Variants in FRMD4A observed in about 807,000 individuals in gnomAD.
The protein encoded by FRMD4A is FERM domain-containing protein 4A.
A neutral mutation model predicts 129.1 loss-of-function variants in FRMD4A; 29 were observed. The observed-to-expected ratio is 0.22, with a 90% CI of 0.17 to 0.31. The LOEUF (loss-of-function observed/expected upper bound fraction) is 0.31, where lower values mean the gene tolerates loss of function less well. Ranked by LOEUF, FRMD4A falls within the 10% of genes least tolerant of loss-of-function variation. The pLI, the probability that FRMD4A is intolerant of heterozygous loss-of-function variation, is 1.00. For missense variants in FRMD4A, 1,272 were observed against 1,375.8 expected, an observed-to-expected ratio of 0.92 and a Z score of 1.19; for synonymous variants, 634 against 571.6, an observed-to-expected ratio of 1.11 and a Z score of -1.56.
chr10:14,053,669 G>T (rs554298444), intron 2 of FRMD4A, among the ~76,000 whole-genome samples: 2 of 152,068 alleles, frequency 1.3e-5, no homozygotes, highest in Non-Finnish European at 2.9e-5. Context: ...CTTTGACTTG[G>T]AAGGAAGGTT....
intron 3 of FRMD4A, among the ~76,000 whole-genome samples, chr10:13,854,411 G>A (rs1381725040): frequency 6.6e-6 from 1 of 151,898 alleles, no homozygotes; most frequent in Non-Finnish European, 1.5e-5. Flanking sequence ...TCATTTTGAT[G>A]AAGGCTTTTT....
intron 15 of FRMD4A, chr10:13,685,094 A>G: frequency 1.0e-6 from 1 of 984,752 alleles, no homozygotes; most frequent in Non-Finnish European, 1.2e-6. Context: ...TGCAGACTGC[A>G]GGATAAACGT....
At chr10:14,321,837 G>A (rs915059178) in intron 2 of FRMD4A, among the ~76,000 whole-genome samples, 12 of 152,138 alleles carry the variant, frequency 7.9e-5, no homozygotes, top group African/African-American at 2.9e-4. Flanking sequence ...TTTGGGGAAG[G>A]GGCCTGGTGG....
At chr10:13,647,747 T>TAAG (rs1554820088) in intron 24 of FRMD4A, 1 of 150,894 alleles carries the variant, frequency 6.6e-6, no homozygotes, top group East Asian at 1.9e-4. Context: ...TTTTTTTTTT[T>TAAG]TAAGTATTTT....
intron 2 of FRMD4A, among the ~76,000 whole-genome samples, chr10:14,176,058 A>G (rs965897327): frequency 2.0e-5 from 3 of 152,140 alleles, no homozygotes; most frequent in African/African-American, 7.2e-5. Flanking sequence ...CTTATTTTGT[A>G]TTGTAGTGTT....
intron 2 of FRMD4A, among the ~76,000 whole-genome samples, chr10:14,027,055 A>C (rs189815583): frequency 1.3e-5 from 2 of 152,356 alleles, no homozygotes; most frequent in Admixed American, 1.3e-4. Context: ...CACATCATGG[A>C]AAATGGGGGT....
intron 2 of FRMD4A, among the ~76,000 whole-genome samples, chr10:14,017,679 T>C (rs1027544167): frequency 2.0e-5 from 3 of 152,196 alleles, no homozygotes. Flanking sequence ...CAAAGGACAA[T>C]GGCTTTCTTT....
intron 2 of FRMD4A, among the ~76,000 whole-genome samples, chr10:14,127,956 T>TTCTC (rs1838957750): frequency 1.1e-4 from 3 of 27,558 alleles, no homozygotes; most frequent in African/African-American, 6.7e-4. Flanking sequence ...CTTTCTTTCT[T>TTCTC]TCTTTCTTTC....
intron 2 of FRMD4A, among the ~76,000 whole-genome samples, chr10:13,993,652 T>C (rs993705919): frequency 3.3e-5 from 5 of 152,334 alleles, no homozygotes; most frequent in Non-Finnish European, 7.4e-5. Flanking sequence ...ATGATATTAA[T>C]AAGTTGTTCT....
At chr10:13,971,766 G>A in intron 2 of FRMD4A, 1 of 1,304,426 alleles carries the variant, frequency 7.7e-7, no homozygotes, top group Non-Finnish European at 1.0e-6. Flanking sequence ...CAACTCCACG[G>A]TGGGTCCTCA....
Position 14,106,164 on chromosome 10 carries a change from A to C in FRMD4A, c.45+223894T>G, listed in dbSNP as rs539126909. Among the ~76,000 whole-genome samples the C allele has an allele frequency of 7.2e-5, 11 of 152,298 alleles. No homozygotes were observed. The South Asian group carries it at 1.9e-3, about 26-fold the overall frequency. ...TAGCATCATCCAAATGTGACTGATGAATTTATTTAAAGCATCATTATTCAT... is the reference window on the plus strand; with the variant it reads ...TAGCATCATCCAAATGTGACTGATGCATTTATTTAAAGCATCATTATTCAT... On this transcript the variant is annotated intron_variant, in intron 2 of 24. Transcript: ENST00000357447.
Position 14,110,125 on chromosome 10 carries a change from T to TTAAAA in FRMD4A, c.45+219932_45+219933insTTTTA, listed in dbSNP as rs372420987. ...GGCTGGGCAACAAAGCGAGATGCTGTAAAAAAAAAAAAAAAAAAAAAAGCT... is the reference window on the plus strand; with the variant it reads ...GGCTGGGCAACAAAGCGAGATGCTGTTAAAAAAAAAAAAAAAAAAAAAAAAAAGCT... On this transcript the variant is annotated intron_variant, in intron 2 of 24. Transcript: ENST00000357447. Among the ~76,000 whole-genome samples, 570 of 89,534 alleles carry TTAAAA rather than the reference T, an allele frequency of 6.4e-3. 118 individuals are homozygous for TTAAAA. Among genetic ancestry groups the TTAAAA allele is most frequent in the African/African-American group, 0.024 (515 of 21,506 alleles). The allele number at this position is 89,534 out of a possible 152,430, so 58.7% of individuals were successfully genotyped here.
chr10:13,676,898 C>T (rs2084054227), intron 15 of FRMD4A, among the ~76,000 whole-genome samples: 1 of 152,122 alleles, frequency 6.6e-6, no homozygotes, highest in African/African-American at 2.4e-5. Context: ...AATTCTATTT[C>T]CATAGGAAAC....
At chr10:13,733,630 G>T (rs1251231804) in intron 12 of FRMD4A, among the ~76,000 whole-genome samples, 1 of 152,244 alleles carries the variant, frequency 6.6e-6, no homozygotes, top group Non-Finnish European at 1.5e-5. Context: ...GTTTCACCAT[G>T]TTGGACAGCT....
intron 2 of FRMD4A, among the ~76,000 whole-genome samples, chr10:13,912,908 T>C (rs560033002): frequency 8.2e-4 from 124 of 151,842 alleles, no homozygotes; most frequent in African/African-American, 2.3e-3. Context: ...ACCCCATATC[T>C]ACTAAAAATA....
intron 2 of FRMD4A, among the ~76,000 whole-genome samples, chr10:13,896,805 A>G (rs2094763727): frequency 6.6e-6 from 1 of 152,226 alleles, no homozygotes; most frequent in Non-Finnish European, 1.5e-5. Flanking sequence ...ACCAGTGGTT[A>G]TCCTTGGAAT....
intron 2 of FRMD4A, among the ~76,000 whole-genome samples, chr10:14,075,896 G>A (rs922647629): frequency 1.3e-5 from 2 of 152,208 alleles, no homozygotes; most frequent in East Asian, 3.9e-4. Flanking sequence ...AAGAGATTGT[G>A]TGATTGTGTC....
chr10:13,763,881 A>G (rs2092173453), intron 6 of FRMD4A, among the ~76,000 whole-genome samples: 1 of 151,954 alleles, frequency 6.6e-6, no homozygotes, highest in Non-Finnish European at 1.5e-5. Context: ...GACTACAGGC[A>G]TACACCACCA....
At chr10:13,811,799 A>C (rs1471231160) in intron 3 of FRMD4A, among the ~76,000 whole-genome samples, 1 of 151,982 alleles carries the variant, frequency 6.6e-6, no homozygotes, top group African/African-American at 2.4e-5. Flanking sequence ...CAGGTCATGC[A>C]TTTGAAAATA....
Sources: allele counts gnomAD v4.1 joint callset (sites outside exome capture counted in the v4.1 genomes callset), GRCh38; gene constraint gnomAD v4.1.1; transcripts MANE v1.5; gene names NCBI Gene and HGNC (gene_info 2026-07-23, HGNC 2026-07-21).